The following ABCA10 variants were observed in gnomAD, a reference collection of about 807,000 sequenced individuals.
ABCA10 encodes ATP-binding cassette sub-family A member 10.
ABCA10 carries 169 observed loss-of-function variants against 187.5 expected under a neutral mutation model. The observed-to-expected ratio is 0.90, with a 90% CI of 0.80 to 1.02. The LOEUF (loss-of-function observed/expected upper bound fraction) is 1.02. Ranked by LOEUF, ABCA10 falls within the 50% of genes least tolerant of loss-of-function variation. The pLI is 0.00. For synonymous variants in ABCA10, 574 were observed against 601.8 expected, an observed-to-expected ratio of 0.95 and a Z score of 0.68; for missense variants, 1,727 against 1,812.4, an observed-to-expected ratio of 0.95 and a Z score of 0.86.
chr17:69,228,399 A>T (rs994925376), intron 1 of ABCA10, among the ~76,000 whole-genome samples, 182 bp downstream of exon 1: 3 of 151,956 alleles, frequency 2.0e-5, no homozygotes, highest in Admixed American at 2.0e-4. Context: ...TCACACTAAA[A>T]TGTTACATAA....
intron 21 of ABCA10, 90 bp downstream of exon 21, chr17:69,182,585 T>A: frequency 7.3e-7 from 1 of 1,367,424 alleles, no homozygotes; most frequent in Non-Finnish European, 9.5e-7. Flanking sequence ...TTAGAAAACA[T>A]ACTTAAGTTT....
At chr17:69,193,681 T>G in intron 13 of ABCA10, 69 bp from the exon 14 acceptor site, 1 of 1,548,930 alleles carries the variant, frequency 6.5e-7, no homozygotes, top group Non-Finnish European at 8.7e-7. Flanking sequence ...TCTCTAAAAA[T>G]GAAAAGGATT....
At position 69,187,859 on chromosome 17, in the gene ABCA10, CTT is replaced by C. The variant is rs533617380; in HGVS notation, c.2150_2151del (p.Gln717ArgfsTer12). 185 of 1,613,674 alleles carry C rather than the reference CTT, an allele frequency of 1.1e-4. No individual in the cohort carries two copies. Among genetic ancestry groups the C allele is most frequent in the East Asian group, 3.3e-4 (15 of 44,860 alleles). On this transcript the variant is annotated frameshift_variant, in exon 19 of 39. Transcript: ENST00000690296. Reference protein sequence around the residue: ...IDEPDFDIGKQEKIHVTRNTG... With the variant: ...IDEPDFDIGKXEKIHVTRNTG... The stretch of plus-strand genomic sequence containing the variant: ...GTATTTCTTGTCACATGTATTTTCT[CTT>C]GTTTCCCAATGTCAAAATCTACAAT...
intron 20 of ABCA10, among the ~76,000 whole-genome samples, chr17:69,184,015 C>T (rs559876159): frequency 8.8e-4 from 134 of 152,220 alleles, no homozygotes; most frequent in African/African-American, 3.1e-3. Flanking sequence ...TGGAAACAAA[C>T]TCAGTTCTGT....
At chr17:69,212,176 T>C (rs577115498) in intron 9 of ABCA10, among the ~76,000 whole-genome samples, 1 of 152,344 alleles carries the variant, frequency 6.6e-6, no homozygotes, top group South Asian at 2.1e-4. Flanking sequence ...ATAAGTTGTG[T>C]CACTATTATC....
intron 12 of ABCA10, 47 bp from the exon 13 acceptor site, chr17:69,194,036 A>G: frequency 6.8e-7 from 1 of 1,465,648 alleles, no homozygotes; most frequent in Non-Finnish European, 9.3e-7. Flanking sequence ...TGTTAATTCT[A>G]TGCAGAGTGA....
chr17:69,151,439 C>T (rs740518), intron 36 of ABCA10, among the ~76,000 whole-genome samples: 110,428 of 151,960 alleles, frequency 0.73, 40,468 homozygotes, highest in African/African-American at 0.77. Context: ...ATAAATATAA[C>T]AAATATTATA....
At chr17:69,227,018 C>T (rs1265588821) in intron 2 of ABCA10, 127 bp downstream of exon 2, 1 of 151,084 alleles carries the variant, frequency 6.6e-6, no homozygotes, top group African/African-American at 2.4e-5. Context: ...CTCAAATCAA[C>T]TAGCCAGTAT....
In ABCA10 at chr17:69,216,374, G is replaced by C. The variant is rs1384757592; in HGVS notation, c.531-16C>G. Reference sequence around the variant, plus strand: ...CCAGGAGAGCCTATAGTAGAAACAAGGTGTTAGTTCAACTGTCACAAACAT... The same window carrying C: ...CCAGGAGAGCCTATAGTAGAAACAACGTGTTAGTTCAACTGTCACAAACAT... On this transcript the variant is annotated splice_polypyrimidine_tract_variant and intron_variant, in intron 6 of 38. Transcript: ENST00000690296. 2 of 1,601,324 alleles carry C rather than the reference G, an allele frequency of 1.2e-6. No homozygotes were observed. The highest frequency in any genetic ancestry group is 1.1e-5 in the South Asian group (1 of 88,182).
At position 69,236,567 on chromosome 17, in the gene ABCA10, T is replaced by C. The variant is rs142562584; in HGVS notation, c.-592-7707A>G. Reference sequence around the variant, plus strand: ...GAACCAGAATCAAGAATCTACCTCCTTTCAGCACTGAGTATGAAACATTAC... The same window carrying C: ...GAACCAGAATCAAGAATCTACCTCCCTTCAGCACTGAGTATGAAACATTAC... On this transcript the variant is annotated intron_variant, in intron 1 of 39. Transcript: ENST00000269081. 1.8e-4 allele frequency among the ~76,000 whole-genome samples: 28 copies of C among 152,342 alleles called. 1 individual carries two copies. The East Asian group carries it at 3.9e-3, about 21-fold the overall frequency.
chr17:69,181,974 T>C (rs2074383357), intron 22 of ABCA10, among the ~76,000 whole-genome samples, 179 bp downstream of exon 22: 1 of 152,096 alleles, frequency 6.6e-6, no homozygotes, highest in African/African-American at 2.4e-5. Flanking sequence ...AATAATTCTA[T>C]AAAGTAGGTA....
intron 22 of ABCA10, among the ~76,000 whole-genome samples, chr17:69,181,562 A>G (rs2074381140): frequency 6.6e-6 from 1 of 152,130 alleles, no homozygotes; most frequent in African/African-American, 2.4e-5. Flanking sequence ...GTAATGGAAA[A>G]AATAAATCAG....
intron 22 of ABCA10, among the ~76,000 whole-genome samples, chr17:69,176,709 A>G (rs1386048793): frequency 2.0e-5 from 3 of 152,134 alleles, no homozygotes; most frequent in Non-Finnish European, 4.4e-5. Context: ...TGATGCACAT[A>G]TCTGTTTTCC....
At position 69,216,239 on chromosome 17, in the gene ABCA10, T is replaced by C. The variant is rs777261524; in HGVS notation, c.650A>G (p.Tyr217Cys). The change falls in exon 7 of 39, where the codon TAT becomes TGT. Residue 217 changes from tyrosine to cysteine, a missense_variant. Coordinates refer to ENST00000690296, the MANE Select transcript of ABCA10 (RefSeq NM_001377321.1). ...HTGFMVIFTLYSLYGLSLIAL... is the reference protein window; with the variant it reads ...HTGFMVIFTLCSLYGLSLIAL... ...CACCAAAGAAAGGCCATATAAGCTA[T>C]AGAGTGTGAATATCACCATGAAGCC... The C allele has an allele frequency of 2.5e-6, 4 of 1,613,400 alleles. No individual in the cohort carries two copies. The highest frequency in any genetic ancestry group is 1.1e-5 in the South Asian group (1 of 90,884).
intron 19 of ABCA10, among the ~76,000 whole-genome samples, chr17:69,186,572 G>T (rs181201733): frequency 6.3e-4 from 96 of 152,272 alleles, no homozygotes; most frequent in African/African-American, 2.2e-3. Context: ...CACCGCAAAA[G>T]AGTTGTCTAC....
chr17:69,156,653 A>C (rs896294079), intron 28 of ABCA10, among the ~76,000 whole-genome samples, 179 bp downstream of exon 28: 2 of 152,164 alleles, frequency 1.3e-5, no homozygotes, highest in African/African-American at 2.4e-5. Context: ...AAAACAAATA[A>C]AATTATAAAT....
At chr17:69,151,947 C>A in intron 36 of ABCA10, 96 bp downstream of exon 36, 3 of 1,500,394 alleles carry the variant, frequency 2.0e-6, no homozygotes, top group Non-Finnish European at 2.7e-6. Flanking sequence ...TAAGTCCACT[C>A]TGCCTTTCTC....
At chr17:69,149,245 G>T in intron 37 of ABCA10, 157 bp from the exon 38 acceptor site, 1 of 759,426 alleles carries the variant, frequency 1.3e-6, no homozygotes, top group Non-Finnish European at 2.1e-6. Flanking sequence ...GTGGTGATAT[G>T]GCTAATAAAA....
intron 9 of ABCA10, among the ~76,000 whole-genome samples, chr17:69,213,636 C>T (rs772995986): frequency 5.3e-5 from 8 of 152,200 alleles, no homozygotes; most frequent in Non-Finnish European, 1.0e-4. Flanking sequence ...GATCTTGCCC[C>T]AGGCTATAAG....
Sources: allele counts gnomAD v4.1 joint callset (sites outside exome capture counted in the v4.1 genomes callset), GRCh38; gene constraint gnomAD v4.1.1; transcripts MANE v1.5; gene names NCBI Gene and HGNC (gene_info 2026-07-23, HGNC 2026-07-21).